The following DDX10 variants were observed in gnomAD, a reference collection of about 807,000 sequenced individuals.
DDX10 encodes DEAD-box helicase 10.
DDX10 carries 74 observed loss-of-function variants against 104.3 expected under a neutral mutation model. That is an observed-to-expected ratio of 0.71 (90% CI 0.59 to 0.86). The LOEUF is 0.86. Ranked by LOEUF, DDX10 falls within the 40% of genes least tolerant of loss-of-function variation. DDX10 has a pLI of 0.00. For synonymous variants in DDX10, 351 were observed against 353.4 expected, an observed-to-expected ratio of 0.99 and a Z score of 0.08; for missense variants, 952 against 1,040.0, an observed-to-expected ratio of 0.92 and a Z score of 1.16.
intron 17 of DDX10, 120 bp from the exon 18 acceptor site, chr11:108,940,126 C>T (rs1405873364): frequency 1.8e-6 from 2 of 1,082,236 alleles, no homozygotes; most frequent in East Asian, 2.6e-5. Context: ...CTTGATGTTG[C>T]CATGGTTTCC....
chr11:108,723,579 AAT>A (rs2094301549), intron 13 of DDX10, 117 bp downstream of exon 13: 1 of 977,532 alleles, frequency 1.0e-6, no homozygotes, highest in Non-Finnish European at 1.5e-6. Flanking sequence ...GTTTCTTTGC[AAT>A]GAACTCTTCC....
intron 1 of DDX10, among the ~76,000 whole-genome samples, chr11:108,669,568 A>G (rs1211039012): frequency 6.6e-6 from 1 of 152,196 alleles, no homozygotes; most frequent in Non-Finnish European, 1.5e-5. Context: ...TGGGTTCGAG[A>G]AGAAGGTTGG....
intron 13 of DDX10, among the ~76,000 whole-genome samples, chr11:108,780,039 C>T (rs2094376070): frequency 6.6e-6 from 1 of 152,138 alleles, no homozygotes; most frequent in Non-Finnish European, 1.5e-5. Context: ...AAAATCTATC[C>T]TTAATGGTTG....
intron 13 of DDX10, among the ~76,000 whole-genome samples, chr11:108,764,027 T>G (rs2094353714): frequency 6.6e-6 from 1 of 152,192 alleles, no homozygotes; most frequent in Non-Finnish European, 1.5e-5. Flanking sequence ...AATAGGCCAT[T>G]TGTTTTTTGA....
At chr11:108,714,521 TCTGA>T (rs71485257) in intron 10 of DDX10, among the ~76,000 whole-genome samples, 7 of 119,544 alleles carry the variant, frequency 5.9e-5, no homozygotes, top group Non-Finnish European at 7.2e-5. Context: ...ATATCAGAAG[TCTGA>T]CTCTTTTTTT....
chr11:108,843,965 C>T (rs892855493), intron 15 of DDX10, among the ~76,000 whole-genome samples: 1 of 152,108 alleles, frequency 6.6e-6, no homozygotes, highest in Non-Finnish European at 1.5e-5. Flanking sequence ...TTTCGCTTAG[C>T]TTTGAGCTTG....
chr11:108,859,649 T>C (rs1328320090), intron 16 of DDX10, among the ~76,000 whole-genome samples: 2 of 152,220 alleles, frequency 1.3e-5, no homozygotes, highest in African/African-American at 4.8e-5. Flanking sequence ...TTAGAGATAA[T>C]TTGACATTTA....
chr11:108,728,943 C>T (rs2094308620), intron 13 of DDX10, among the ~76,000 whole-genome samples: 1 of 152,242 alleles, frequency 6.6e-6, no homozygotes. Context: ...TAACCATTCT[C>T]CTGCTGTTGG....
At chr11:108,692,146 T>A in intron 8 of DDX10, 108 bp downstream of exon 8, 6 of 1,045,234 alleles carry the variant, frequency 5.7e-6, no homozygotes, top group Non-Finnish European at 6.7e-6. Flanking sequence ...GTTTCTTTTC[T>A]TATTTTGTAA....
At chr11:108,889,298 T>C (rs551993005) in intron 16 of DDX10, among the ~76,000 whole-genome samples, 64 of 152,298 alleles carry the variant, frequency 4.2e-4, no homozygotes, top group Non-Finnish European at 7.6e-4. Context: ...GTTTGAATAA[T>C]GGAAATTTTA....
chr11:108,753,635 G>A (rs369774839), intron 13 of DDX10, among the ~76,000 whole-genome samples: 8 of 152,094 alleles, frequency 5.3e-5, no homozygotes, highest in South Asian at 4.1e-4. Context: ...ACTAAAGTAA[G>A]CATTTACGAC....
rs536250811 is a variant in DDX10, at chr11:108,687,062, G to A, written c.849-1874G>A. 3.3e-5 allele frequency among the ~76,000 whole-genome samples: 5 copies of A among 152,294 alleles called. No individual in the cohort carries two copies. In the East Asian group the frequency reaches 9.7e-4, roughly 29 times the overall value. ...AGCCTCCCAAAGTGCTGGGATTACA[G>A]GCATGAGTCACTGCGCCCGGCCTCA... On this transcript the variant is annotated intron_variant, in intron 6 of 17. Transcript: ENST00000322536.
At chr11:108,857,906 G>C (rs1862892263) in intron 16 of DDX10, among the ~76,000 whole-genome samples, 1 of 152,150 alleles carries the variant, frequency 6.6e-6, no homozygotes, top group Non-Finnish European at 1.5e-5. Flanking sequence ...TCCACAATTA[G>C]TTCTCTTTTA....
intron 13 of DDX10, among the ~76,000 whole-genome samples, chr11:108,813,455 C>G (rs1458332019): frequency 2.0e-5 from 3 of 152,174 alleles, no homozygotes; most frequent in Admixed American, 1.3e-4. Flanking sequence ...TTCACTCTCT[C>G]TATTGGGAAA....
intron 13 of DDX10, among the ~76,000 whole-genome samples, chr11:108,824,167 C>T (rs1862364505): frequency 6.6e-6 from 1 of 152,166 alleles, no homozygotes; most frequent in Admixed American, 6.5e-5. Flanking sequence ...CTCAGCCTCC[C>T]CAGTAGCTGG....
intron 9 of DDX10, among the ~76,000 whole-genome samples, chr11:108,703,033 G>A (rs764064490): frequency 5.3e-5 from 8 of 152,148 alleles, no homozygotes; most frequent in Non-Finnish European, 1.2e-4. Flanking sequence ...TGTTTCAGAT[G>A]CTTGTTATCG....
intron 13 of DDX10, among the ~76,000 whole-genome samples, chr11:108,785,524 T>C (rs1450434123): frequency 2.0e-5 from 3 of 152,196 alleles, no homozygotes; most frequent in Admixed American, 2.0e-4. Flanking sequence ...AGTACTGATA[T>C]CACTTCCTTT....
chr11:108,736,201 C>G (rs376822987), intron 13 of DDX10, among the ~76,000 whole-genome samples: 9 of 144,742 alleles, frequency 6.2e-5, no homozygotes, highest in African/African-American at 2.3e-4. Flanking sequence ...TTGTCTCCCT[C>G]TAGGTTGGAT....
At chr11:108,760,658 A>T (rs936608199) in intron 13 of DDX10, among the ~76,000 whole-genome samples, 7 of 151,238 alleles carry the variant, frequency 4.6e-5, no homozygotes, top group Admixed American at 2.0e-4. Flanking sequence ...GTTTTTATTC[A>T]TGTACAACAT....
Sources: allele counts gnomAD v4.1 joint callset (sites outside exome capture counted in the v4.1 genomes callset), GRCh38; gene constraint gnomAD v4.1.1; transcripts MANE v1.5; gene names NCBI Gene and HGNC (gene_info 2026-07-23, HGNC 2026-07-21).